SHANK2: variants seen among roughly 807,000 people sequenced by gnomAD.
SHANK2 encodes SH3 and multiple ankyrin repeat domains protein 2.
In SHANK2, 43 loss-of-function variants were observed where a neutral mutation model predicts 133.7. That is an observed-to-expected ratio of 0.32 (90% CI 0.25 to 0.41). The LOEUF (loss-of-function observed/expected upper bound fraction) is 0.41. SHANK2 is among the 10% of genes least tolerant of loss of function. SHANK2 has a pLI of 1.00. For synonymous variants in SHANK2, 1,017 were observed against 952.8 expected, an observed-to-expected ratio of 1.07 and a Z score of -1.24; for missense variants, 1,994 against 2,235.8, an observed-to-expected ratio of 0.89 and a Z score of 2.18.
At chr11:71,143,205 A>C (rs1333596110) in intron 3 of SHANK2, among the ~76,000 whole-genome samples, 32 of 152,368 alleles carry the variant, frequency 2.1e-4, no homozygotes, top group Middle Eastern at 3.4e-3. Flanking sequence ...ACTGCACACC[A>C]GCCTGGGTGA....
At chr11:70,608,031 C>G (rs2136363185) in intron 17 of SHANK2, among the ~76,000 whole-genome samples, 1 of 152,368 alleles carries the variant, frequency 6.6e-6, no homozygotes, top group Admixed American at 6.5e-5. Context: ...AAGGCAGTGC[C>G]AGGGCTCCTG....
At chr11:70,662,695 T>A (rs1267073646) in intron 15 of SHANK2, among the ~76,000 whole-genome samples, 1 of 152,160 alleles carries the variant, frequency 6.6e-6, no homozygotes, top group Non-Finnish European at 1.5e-5. Context: ...GGCATTTTTT[T>A]TTTTTAAGGA....
At chr11:70,775,285 G>A (rs1281669206) in intron 14 of SHANK2, among the ~76,000 whole-genome samples, 2 of 152,088 alleles carry the variant, frequency 1.3e-5, no homozygotes, top group Non-Finnish European at 2.9e-5. Context: ...GTGAAACCCC[G>A]TCTCTACTAA....
At chr11:71,149,566 G>A (rs1313351109) in intron 2 of SHANK2, among the ~76,000 whole-genome samples, 11 of 84,354 alleles carry the variant, frequency 1.3e-4, no homozygotes, top group African/African-American at 2.2e-4. Context: ...TTTCTCTTGC[G>A]ACTGTCTTAT....
chr11:70,795,016 G>T (rs1050940882), intron 14 of SHANK2, among the ~76,000 whole-genome samples: 2 of 152,068 alleles, frequency 1.3e-5, no homozygotes, highest in East Asian at 3.8e-4. Context: ...GCTAAGTCAC[G>T]ATCTTAGAAC....
intron 14 of SHANK2, among the ~76,000 whole-genome samples, chr11:70,709,259 C>A (rs1945729247): frequency 6.6e-6 from 1 of 152,200 alleles, no homozygotes; most frequent in South Asian, 2.1e-4. Context: ...TAGGCGAATT[C>A]TGAATGGGAC....
intron 14 of SHANK2, among the ~76,000 whole-genome samples, chr11:70,775,483 G>A (rs1555043748): frequency 6.6e-6 from 1 of 152,166 alleles, no homozygotes; most frequent in Non-Finnish European, 1.5e-5. Context: ...TTATTTTGCA[G>A]ACTGCTTTGA....
rs781944963 is a variant in SHANK2 at position 70,820,551 on chromosome 11, A to G, written c.1306T>C (p.Cys436Arg). The change falls in exon 12 of 26, where the codon TGC (cysteine) becomes CGC (arginine). Residue 436 changes from cysteine to arginine, a missense_variant. This residue lies in a region of SHANK2 where 653 missense variants were observed against 563.4 expected (regional missense o/e 1.16). Coordinates refer to ENST00000601538, the MANE Select transcript of SHANK2 (RefSeq NM_012309.5). Reference sequence around the variant, plus strand: ...CTGCGGTGCGAGGTGGCCGTGGAGCAGACGGCCCAGTCGGGAGCGCTGGCA... The same window carrying G: ...CTGCGGTGCGAGGTGGCCGTGGAGCGGACGGCCCAGTCGGGAGCGCTGGCA... ...LNASAPDWAV[C>R]STATSHRSLS... 2.8e-6 allele frequency: 2 copies of G among 717,024 alleles called. No homozygotes were observed. The highest frequency in any genetic ancestry group is 3.0e-5 in the South Asian group (2 of 67,570). The allele number at this position is 717,024 out of a possible 1,614,324, so 44.4% of individuals were successfully genotyped here. A position where few individuals can be genotyped will look rare whatever the true frequency, so the allele number is the denominator to read the frequency against.
intron 11 of SHANK2, chr11:70,863,587 C>T: frequency 2.2e-6 from 1 of 455,138 alleles, no homozygotes; most frequent in Non-Finnish European, 4.4e-6. Flanking sequence ...TAAAATAACT[C>T]AGGCTGGTGC....
At chr11:71,167,627 C>T (rs1204980287) in intron 2 of SHANK2, among the ~76,000 whole-genome samples, 3 of 145,728 alleles carry the variant, frequency 2.1e-5, no homozygotes, top group East Asian at 2.1e-4. Context: ...CGGGAAGAGG[C>T]GCCCCTCACT....
intron 15 of SHANK2, among the ~76,000 whole-genome samples, chr11:70,696,309 A>G (rs1314202008): frequency 6.6e-6 from 1 of 152,058 alleles, no homozygotes; most frequent in African/African-American, 2.4e-5. Flanking sequence ...ACAACACCCT[A>G]GCCAGCTTTG....
intron 13 of SHANK2, among the ~76,000 whole-genome samples, chr11:70,802,392 G>A (rs1555050732): frequency 1.3e-5 from 2 of 152,118 alleles, no homozygotes; most frequent in African/African-American, 4.8e-5. Flanking sequence ...TCCCTGTACT[G>A]GATGGGTCAG....
At chr11:70,911,385 A>G (rs966479144) in intron 10 of SHANK2, among the ~76,000 whole-genome samples, 1 of 152,134 alleles carries the variant, frequency 6.6e-6, no homozygotes, top group Non-Finnish European at 1.5e-5. Context: ...AAAAACAAAA[A>G]AACAAAAAAC....
intron 14 of SHANK2, among the ~76,000 whole-genome samples, chr11:70,749,946 C>A (rs1270138506): frequency 6.6e-5 from 10 of 152,172 alleles, no homozygotes; most frequent in African/African-American, 2.4e-4. Context: ...AATAAACAAA[C>A]TTCTCAAATT....
intron 17 of SHANK2, among the ~76,000 whole-genome samples, chr11:70,541,212 A>C (rs1166104379): frequency 6.6e-6 from 1 of 152,146 alleles, no homozygotes; most frequent in Non-Finnish European, 1.5e-5. Flanking sequence ...ATCGGGATAC[A>C]CCACATTTGC....
chr11:70,577,945 A>G (rs1363252396), intron 17 of SHANK2, among the ~76,000 whole-genome samples: 1 of 152,172 alleles, frequency 6.6e-6, no homozygotes, highest in Non-Finnish European at 1.5e-5. Context: ...CTGTGAGGGG[A>G]CAGGGAGAAG....
chr11:71,222,805 G>T (rs570178012), intron 2 of SHANK2, among the ~76,000 whole-genome samples: 1 of 152,354 alleles, frequency 6.6e-6, no homozygotes, highest in East Asian at 1.9e-4. Context: ...CTCCAGCAGG[G>T]TCACACGTTC....
chr11:71,240,198 C>T lies in SHANK2; in HGVS notation c.-113+12227G>A, dbSNP rs114247066. ...TCCAGCATAAAACCTGCTGAAAACC[C>T]GCTGCGGGACCCAGACACGGTGTAT... On this transcript the variant is annotated intron_variant, in intron 1 of 25. Transcript: ENST00000601538. Among the ~76,000 whole-genome samples, 1,067 of 152,226 alleles carry T rather than the reference C, an allele frequency of 7.0e-3. 7 individuals are homozygous for T. The highest frequency in any genetic ancestry group is 0.024 in the African/African-American group (999 of 41,548).
intron 10 of SHANK2, among the ~76,000 whole-genome samples, chr11:70,936,975 T>C (rs1173172002): frequency 6.6e-6 from 1 of 152,230 alleles, no homozygotes; most frequent in Non-Finnish European, 1.5e-5. Context: ...CCCTGAGATG[T>C]CTTGATTGGC....
Sources: gnomAD v4.1 joint callset for allele counts (sites outside exome capture counted in the v4.1 genomes callset) on GRCh38, gnomAD v4.1.1 for gene constraint, gnomAD v4.1.1 regional missense constraint, MANE v1.5 for transcripts, NCBI Gene and HGNC (gene_info 2026-07-23, HGNC 2026-07-21) for gene names.